The following ZNF320 variants were observed in gnomAD, a reference collection of about 807,000 sequenced individuals.
ZNF320 encodes the protein zinc finger gene 320.
A neutral mutation model predicts 6.8 loss-of-function variants in ZNF320; 2 were observed. The observed-to-expected ratio is 0.29, with a 90% CI of 0.12 to 0.93. The LOEUF is 0.93. Among genes scored for constraint, ZNF320 ranks in the 40% least tolerant of loss-of-function variants. The pLI is 0.55. For synonymous variants in ZNF320, 208 were observed against 203.2 expected, an observed-to-expected ratio of 1.02 and a Z score of -0.20; for missense variants, 472 against 611.0, an observed-to-expected ratio of 0.77 and a Z score of 2.40.
At chr19:52,892,926 C>T (rs1250442864) in intron 2 of ZNF320, among the ~76,000 whole-genome samples, 1 of 134,820 alleles carries the variant, frequency 7.4e-6, no homozygotes, top group African/African-American at 2.7e-5. Context: ...CTCTCCCTAC[C>T]TTGCTGTCCT....
intron 5 of ZNF320, among the ~76,000 whole-genome samples, chr19:52,867,271 C>T (rs1258575879): frequency 6.6e-6 from 1 of 152,092 alleles, no homozygotes; most frequent in Non-Finnish European, 1.5e-5. Context: ...GGTCTCGGCT[C>T]ACTGCCACCT....
downstream of ZNF320, among the ~76,000 whole-genome samples, chr19:52,872,895 A>T (rs2063705083): frequency 6.6e-6 from 1 of 152,112 alleles, no homozygotes; most frequent in Admixed American, 6.5e-5. Context: ...CAGCAGGAAA[A>T]CACGTGAGCA....
intron 5 of ZNF320, among the ~76,000 whole-genome samples, chr19:52,865,983 TTATA>T (rs1468648248): frequency 8.6e-6 from 1 of 116,834 alleles, no homozygotes; most frequent in Non-Finnish European, 1.6e-5. Flanking sequence ...ATACATATAT[TTATA>T]TATATGATTA....
At chr19:52,882,380 CCAGA>C (rs1476096288) in intron 5 of ZNF320, among the ~76,000 whole-genome samples, 5 of 152,094 alleles carry the variant, frequency 3.3e-5, no homozygotes, top group African/African-American at 1.2e-4. Context: ...TGTTAAAAAA[CCAGA>C]CAATGTACTA....
rs45473393 is a variant in ZNF320, at chr19:52,880,152, T to A, written c.*444A>T. 0.03 allele frequency: 4,578 copies of A among 153,398 alleles called. 117 individuals carry two copies. The highest frequency in any genetic ancestry group is 0.045 in the Non-Finnish European group (3,073 of 68,940). The allele number at this position is 153,398 out of a possible 1,614,324, so 9.5% of individuals were successfully genotyped here. A position where few individuals can be genotyped will look rare whatever the true frequency, so the allele number is the denominator to read the frequency against. ...TTTTAAGGACAGAAGATCGAGACCA[T>A]CCTAGCTAACACGGTGAAACCCAGT... On this transcript the variant is annotated 3_prime_UTR_variant, in exon 6 of 6. Coordinates refer to ENST00000682928, the MANE Select transcript of ZNF320 (RefSeq NM_001351774.2).
chr19:52,884,658 GC>G (rs2064020535), intron 5 of ZNF320, among the ~76,000 whole-genome samples: 1 of 151,978 alleles, frequency 6.6e-6, no homozygotes, highest in South Asian at 2.1e-4. Context: ...CACCATGTTG[GC>G]CAGACTGTTT....
At position 52,862,058 on chromosome 19, in the gene ZNF320, G is replaced by A. The variant is rs542209559; in HGVS notation, c.*1971C>T. On this transcript the variant is annotated 3_prime_UTR_variant, in exon 6 of 6. Transcript: ENST00000673631. ...CGCTGATGAACTGCAAGTTATGAAC[G>A]ATGTCTGAAAACTTTGCCACATTTA... 2.9e-5 allele frequency: 11 copies of A among 373,646 alleles called. No homozygotes were observed. The East Asian group carries it at 3.6e-4, about 12-fold the overall frequency. The allele number at this position is 373,646 out of a possible 1,614,324, so 23.1% of individuals were successfully genotyped here.
chr19:52,892,954 T>C lies in ZNF320; in HGVS notation c.-192+825A>G, dbSNP rs138006652. On this transcript the variant is annotated intron_variant, in intron 2 of 5. Coordinates refer to ENST00000682928, the MANE Select transcript of ZNF320 (RefSeq NM_001351774.2). ...GCTGTCCTTCATCTCTCTGTACATCTAGCTTTTCTCTACATTTCTCCAGTT... is the reference window on the plus strand; with the variant it reads ...GCTGTCCTTCATCTCTCTGTACATCCAGCTTTTCTCTACATTTCTCCAGTT... Among the ~76,000 whole-genome samples, 796 of 152,126 alleles carry C rather than the reference T, an allele frequency of 5.2e-3. 3 individuals carry two copies. The highest frequency in any genetic ancestry group is 0.018 in the African/African-American group (741 of 41,474).
At chr19:52,901,244 G>A (rs2064570319), upstream of ZNF320, among the ~76,000 whole-genome samples, 1 of 152,128 alleles carries the variant, frequency 6.6e-6, no homozygotes, top group African/African-American at 2.4e-5. Context: ...TAAAATAATA[G>A]GACTGTAGCA....
chr19:52,871,039 C>T (rs529881322), intron 5 of ZNF320, among the ~76,000 whole-genome samples: 1 of 151,968 alleles, frequency 6.6e-6, no homozygotes, highest in Non-Finnish European at 1.5e-5. Flanking sequence ...CCCAGCTACT[C>T]GGGAGGCTGA....
chr19:52,871,052 C>A (rs1449769701), intron 5 of ZNF320, among the ~76,000 whole-genome samples: 1 of 152,118 alleles, frequency 6.6e-6, no homozygotes, highest in African/African-American at 2.4e-5. Flanking sequence ...GAGGCTGAGG[C>A]AGGAGAATTG....
chr19:52,883,195 C>G (rs570800783), intron 5 of ZNF320, among the ~76,000 whole-genome samples: 1 of 152,090 alleles, frequency 6.6e-6, no homozygotes, highest in African/African-American at 2.4e-5. Flanking sequence ...GCGCACACCA[C>G]TATGCCCAGC....
In ZNF320 at chr19:52,887,013, A is replaced by AGGAAGGAAGG. The variant is rs1555821425; in HGVS notation, c.142+1113_142+1114insCCTTCCTTCC. Among the ~76,000 whole-genome samples, 196 of 143,300 alleles carry AGGAAGGAAGG rather than the reference A, an allele frequency of 1.4e-3. 2 individuals are homozygous for AGGAAGGAAGG. The highest frequency in any genetic ancestry group is 1.9e-3 in the Non-Finnish European group (125 of 65,714). The allele number at this position is 143,300 out of a possible 152,430, so 94.0% of individuals were successfully genotyped here. A position where few individuals can be genotyped will look rare whatever the true frequency, so the allele number is the denominator to read the frequency against. ...AGGAAGGAAGGAAGGAAGGAAAAGA[A>AGGAAGGAAGG]AAAACAAAACAAAAGAAAAGAAAAG... On this transcript the variant is annotated intron_variant, in intron 5 of 5. Transcript: ENST00000682928.
intron 5 of ZNF320, among the ~76,000 whole-genome samples, chr19:52,870,792 G>A (rs2063667455): frequency 6.6e-6 from 1 of 152,042 alleles, no homozygotes; most frequent in Admixed American, 6.6e-5. Context: ...TCAATGATGT[G>A]ATAAAGCATT....
In ZNF320 at chr19:52,878,037, A is replaced by G. The variant is rs2063807828; in HGVS notation, c.*2559T>C. ...CAGAGAAAAAAAATACATTCTCAAT[A>G]AAACATGTCCAACTCTCCAGATAGT... is the stretch of plus-strand genomic sequence containing the variant. On this transcript the variant is annotated 3_prime_UTR_variant, in exon 6 of 6. Coordinates refer to ENST00000682928, the MANE Select transcript of ZNF320 (RefSeq NM_001351774.2). 6.2e-6 allele frequency: 1 copy of G among 161,188 alleles called. No individual in the cohort carries two copies. The highest frequency in any genetic ancestry group is 1.4e-5 in the Non-Finnish European group (1 of 72,246). The allele number at this position is 161,188 out of a possible 1,614,324, so 10.0% of individuals were successfully genotyped here.
rs115513885 is a variant in ZNF320 at position 52,889,778 on chromosome 19, A to G, written c.15+463T>C. Among the ~76,000 whole-genome samples the G allele has an allele frequency of 2.7e-3, 416 of 152,358 alleles. 1 individual carries two copies. The highest frequency in any genetic ancestry group is 9.4e-3 in the African/African-American group (390 of 41,586). ...AGTCAGAAACACAGTAAGTCACTCA[A>G]TTACCTAAAAATGTACTATAATGTC... On this transcript the variant is annotated intron_variant, in intron 4 of 5. Coordinates refer to ENST00000682928, the MANE Select transcript of ZNF320 (RefSeq NM_001351774.2).
At chr19:52,882,122 C>T (rs2063942373) in intron 5 of ZNF320, 139 bp from the exon 6 acceptor site, 1 of 859,666 alleles carries the variant, frequency 1.2e-6, no homozygotes, top group South Asian at 2.3e-5. Flanking sequence ...GAACACAAAA[C>T]AAGTAAGATT....
downstream of ZNF320, among the ~76,000 whole-genome samples, chr19:52,872,335 C>T (rs1441435960): frequency 6.6e-6 from 1 of 152,172 alleles, no homozygotes; most frequent in Non-Finnish European, 1.5e-5. Flanking sequence ...TGAAGGGGGC[C>T]TGCCCCTCCA....
chr19:52,902,385 C>T (rs1429851572), upstream of ZNF320, among the ~76,000 whole-genome samples: 1 of 152,216 alleles, frequency 6.6e-6, no homozygotes, highest in East Asian at 1.9e-4. Flanking sequence ...AACTACAGGA[C>T]CACCTTAGTG....
Sources: allele counts gnomAD v4.1 joint callset (sites outside exome capture counted in the v4.1 genomes callset), GRCh38; gene constraint gnomAD v4.1.1; transcripts MANE v1.5; gene names NCBI Gene and HGNC (gene_info 2026-07-23, HGNC 2026-07-21).